The following DLG2 variants were observed in gnomAD, a reference collection of about 807,000 sequenced individuals.
DLG2 encodes the protein discs large MAGUK scaffold protein 2.
In DLG2, 45 loss-of-function variants were observed where a neutral mutation model predicts 132.5. That is an observed-to-expected ratio of 0.34 (90% CI 0.27 to 0.44). DLG2 has a LOEUF of 0.44. Among genes scored for constraint, DLG2 ranks in the 20% least tolerant of loss-of-function variants. The pLI is 1.00. For synonymous variants in DLG2, 424 were observed against 419.6 expected, an observed-to-expected ratio of 1.01 and a Z score of -0.13; for missense variants, 1,045 against 1,196.9, an observed-to-expected ratio of 0.87 and a Z score of 1.87.
At chr11:85,261,522 C>A (rs1459841560) in intron 4 of DLG2, among the ~76,000 whole-genome samples, 1 of 151,944 alleles carries the variant, frequency 6.6e-6, no homozygotes, top group African/African-American at 2.4e-5. Context: ...GTCAGCAGAC[C>A]CCGTGGGCCA....
chr11:83,603,705 C>A (rs1032799854), intron 19 of DLG2, among the ~76,000 whole-genome samples: 3 of 152,108 alleles, frequency 2.0e-5, no homozygotes, highest in African/African-American at 7.2e-5. Context: ...TGCCTTATTG[C>A]AGTTTAACTT....
chr11:84,120,007 G>C (rs1412039611), intron 9 of DLG2, among the ~76,000 whole-genome samples: 2 of 152,172 alleles, frequency 1.3e-5, no homozygotes, highest in African/African-American at 4.8e-5. Flanking sequence ...ATGGCTGGAA[G>C]GAGGGGACTA....
rs563812587 is a variant in DLG2, at chr11:83,666,054, A to C, written c.1826-32729T>G. 3.3e-5 allele frequency among the ~76,000 whole-genome samples: 5 copies of C among 152,092 alleles called. No homozygotes were observed. In the South Asian group the frequency reaches 6.2e-4, roughly 19 times the overall value. ...TCTGCTTCCTGTCTTCACTAGCATT[A>C]TTTTCAAGATTAGCCCCTTCCATTT... On this transcript the variant is annotated intron_variant, in intron 18 of 27. Transcript: ENST00000376104.
chr11:85,573,133 T>C (rs1456915588), intron 3 of DLG2, among the ~76,000 whole-genome samples: 1 of 152,200 alleles, frequency 6.6e-6, no homozygotes, highest in Admixed American at 6.5e-5. Flanking sequence ...TCCTGAAGCC[T>C]CTCTGAAAGC....
At chr11:85,260,280 G>A (rs1306223471) in intron 4 of DLG2, among the ~76,000 whole-genome samples, 5 of 152,106 alleles carry the variant, frequency 3.3e-5, no homozygotes, top group Non-Finnish European at 7.4e-5. Context: ...CTATAATTAG[G>A]ACAACTGTCA....
intron 6 of DLG2, among the ~76,000 whole-genome samples, chr11:85,087,670 C>T (rs1031095492): frequency 1.3e-5 from 2 of 150,412 alleles, no homozygotes; most frequent in Non-Finnish European, 3.0e-5. Context: ...AACCCCGTCT[C>T]TACTAAAAAT....
At chr11:83,868,942 G>C (rs1595695906) in intron 16 of DLG2, among the ~76,000 whole-genome samples, 2 of 152,136 alleles carry the variant, frequency 1.3e-5, no homozygotes, top group Admixed American at 6.6e-5. Context: ...AGCCCAAAGG[G>C]CCAGCTACCT....
intron 6 of DLG2, among the ~76,000 whole-genome samples, chr11:84,831,829 A>AAGTG (rs751826560): frequency 1.3e-5 from 2 of 151,666 alleles, no homozygotes; most frequent in Non-Finnish European, 3.0e-5. Flanking sequence ...AACTATTTAG[A>AAGTG]AGTGCAGTTT....
At chr11:83,888,536 T>A (rs2068653564) in intron 15 of DLG2, among the ~76,000 whole-genome samples, 2 of 152,296 alleles carry the variant, frequency 1.3e-5, no homozygotes, top group South Asian at 4.1e-4. Flanking sequence ...CAAGGTAATT[T>A]ATAGATTCAA....
At chr11:85,204,283 A>G (rs74532063) in intron 4 of DLG2, among the ~76,000 whole-genome samples, 1,753 of 152,260 alleles carry the variant, frequency 0.012, 17 homozygotes, top group Non-Finnish European at 0.019. Context: ...TTCTTGTTAG[A>G]AAAACCTAAA....
rs372308782 is a variant in DLG2 at position 84,253,085 on chromosome 11, G to A, written c.520-1794C>T. ...ATGTATATAATGGATCAACTAGTTAGTCATAATATTTTCATGATTCTCAAT... is the reference window on the plus strand; with the variant it reads ...ATGTATATAATGGATCAACTAGTTAATCATAATATTTTCATGATTCTCAAT... On this transcript the variant is annotated intron_variant, in intron 7 of 27. Coordinates refer to ENST00000376104, the MANE Select transcript of DLG2 (RefSeq NM_001142699.3). 9.2e-5 allele frequency among the ~76,000 whole-genome samples: 14 copies of A among 152,206 alleles called. 1 individual carries two copies. Among genetic ancestry groups the A allele is most frequent in the African/African-American group, 3.4e-4 (14 of 41,528 alleles).
chr11:85,430,615 A>G (rs532164268), intron 3 of DLG2, among the ~76,000 whole-genome samples: 64 of 152,282 alleles, frequency 4.2e-4, no homozygotes, highest in African/African-American at 1.5e-3. Flanking sequence ...AGTACTCCAT[A>G]GAGCTCCCAA....
At chr11:84,829,917 A>C (rs1206651406) in intron 6 of DLG2, among the ~76,000 whole-genome samples, 1 of 151,734 alleles carries the variant, frequency 6.6e-6, no homozygotes, top group Non-Finnish European at 1.5e-5. Flanking sequence ...CAATCCTTTA[A>C]TTTACAACAT....
chr11:84,600,239 A>AG lies in DLG2; in HGVS notation c.358-65509_358-65508insC, dbSNP rs1593384719. 2.7e-3 allele frequency among the ~76,000 whole-genome samples: 234 copies of AG among 87,070 alleles called. 1 individual carries two copies. The highest frequency in any genetic ancestry group is 7.1e-3 in the African/African-American group (71 of 9,942). 57.1% of individuals were successfully genotyped at this position (87,070 alleles called of 152,430 possible). On this transcript the variant is annotated intron_variant, in intron 6 of 27. Transcript: ENST00000376104. ...AAGAAAGAAAGAGAAAGAAAGACAG[A>AG]AAAGCAAGCAAGCAAGCAGGCAGGC...
chr11:84,840,231 A>G (rs879293966), intron 6 of DLG2, among the ~76,000 whole-genome samples: 2 of 152,182 alleles, frequency 1.3e-5, no homozygotes, highest in Non-Finnish European at 2.9e-5. Context: ...CAACAGACAC[A>G]TGAAAAAATG....
At chr11:84,075,801 G>A (rs545407274) in intron 10 of DLG2, among the ~76,000 whole-genome samples, 2 of 152,210 alleles carry the variant, frequency 1.3e-5, no homozygotes, top group African/African-American at 4.8e-5. Flanking sequence ...CATATTTCAT[G>A]AAATAAATTC....
intron 7 of DLG2, among the ~76,000 whole-genome samples, chr11:84,529,044 C>A (rs1294168963): frequency 2.0e-5 from 3 of 152,152 alleles, no homozygotes; most frequent in African/African-American, 7.2e-5. Flanking sequence ...ACAAAATTGG[C>A]CAACCTTAAA....
chr11:84,842,735 T>C (rs1433274011), intron 6 of DLG2, among the ~76,000 whole-genome samples: 1 of 151,868 alleles, frequency 6.6e-6, no homozygotes, highest in East Asian at 1.9e-4. Context: ...AAATATCTAG[T>C]ATACCAGAAG....
chr11:84,479,538 T>C (rs1284666454), intron 7 of DLG2, among the ~76,000 whole-genome samples: 1 of 152,116 alleles, frequency 6.6e-6, no homozygotes, highest in South Asian at 2.1e-4. Context: ...GTTTCCTTCC[T>C]GCAAGAAATT....
Sources: gnomAD v4.1 joint callset for allele counts (sites outside exome capture counted in the v4.1 genomes callset) on GRCh38, gnomAD v4.1.1 for gene constraint, MANE v1.5 for transcripts, NCBI Gene and HGNC (gene_info 2026-07-23, HGNC 2026-07-21) for gene names.